Variants in CAMK2B observed in about 807,000 individuals in gnomAD.
CAMK2B encodes the protein calcium/calmodulin-dependent protein kinase type II subunit beta.
In CAMK2B, 27 loss-of-function variants were observed where a neutral mutation model predicts 93.7. The observed-to-expected ratio is 0.29, with a 90% CI of 0.21 to 0.40. The LOEUF (loss-of-function observed/expected upper bound fraction) is 0.40, where lower values mean the gene tolerates loss of function less well. Ranked by LOEUF, CAMK2B falls within the 10% of genes least tolerant of loss-of-function variation. CAMK2B has a pLI of 1.00. For synonymous variants in CAMK2B, 374 were observed against 358.8 expected, an observed-to-expected ratio of 1.04 and a Z score of -0.48; for missense variants, 568 against 895.8, an observed-to-expected ratio of 0.63 and a Z score of 4.67.
intron 3 of CAMK2B, among the ~76,000 whole-genome samples, chr7:44,262,766 GC>G (rs1384649009): frequency 1.3e-5 from 2 of 152,154 alleles, no homozygotes; most frequent in Admixed American, 1.3e-4. Context: ...GGCACCCAGA[GC>G]CCCACCTTGG....
At chr7:44,289,110 C>A (rs1398237577) in intron 1 of CAMK2B, among the ~76,000 whole-genome samples, 1 of 152,166 alleles carries the variant, frequency 6.6e-6, no homozygotes, top group African/African-American at 2.4e-5. Context: ...CTGAGCTGCC[C>A]CCCCAACCCT....
intron 5 of CAMK2B, among the ~76,000 whole-genome samples, chr7:44,251,402 C>T (rs2096779263): frequency 6.6e-6 from 1 of 152,096 alleles, no homozygotes; most frequent in Non-Finnish European, 1.5e-5. Context: ...GCACAGAGAG[C>T]AAAGCCACCG....
chr7:44,228,763 G>A (rs770983360), intron 19 of CAMK2B, 33 bp downstream of exon 19: 1 of 1,438,024 alleles, frequency 7.0e-7, no homozygotes, highest in Non-Finnish European at 9.1e-7. Flanking sequence ...CTGTCCGGCA[G>A]CAGAGGCGGC....
intron 4 of CAMK2B, among the ~76,000 whole-genome samples, chr7:44,254,913 C>T (rs2096821780): frequency 6.6e-6 from 1 of 151,204 alleles, no homozygotes; most frequent in South Asian, 2.1e-4. Context: ...CACGATTATA[C>T]TCCATTTTTA....
chr7:44,307,298 G>A (rs117939554), intron 1 of CAMK2B, among the ~76,000 whole-genome samples: 7,411 of 135,940 alleles, frequency 0.055, 376 homozygotes, highest in Middle Eastern at 0.13. Flanking sequence ...AGGGAAGAGG[G>A]TGTGAGCAGG....
In CAMK2B at chr7:44,248,744, G is replaced by A. The variant is rs1166815096; in HGVS notation, c.342-1552C>T. On this transcript the variant is annotated intron_variant, in intron 5 of 23. Coordinates refer to ENST00000395749, the MANE Select transcript of CAMK2B (RefSeq NM_001220.5). This position sits in a 1 kb window ranked among gnomAD's most constrained non-coding sequence, Gnocchi z 4.1. The stretch of plus-strand genomic sequence containing the variant: ...CACCCGTCTTGGTCCCATCTGTACA[G>A]CGTCAGCCATTGCATTAAAAAGTGA... 1.3e-5 allele frequency among the ~76,000 whole-genome samples: 2 copies of A among 152,216 alleles called. No individual in the cohort carries two copies. Among genetic ancestry groups the A allele is most frequent in the African/African-American group, 4.8e-5 (2 of 41,456 alleles).
intron 7 of CAMK2B, 37 bp from the exon 8 acceptor site, chr7:44,243,370 C>T (rs1363090807): frequency 6.2e-7 from 1 of 1,610,866 alleles, no homozygotes. Context: ...GGGCTGTCAG[C>T]ATCACCTCCT....
chr7:44,285,103 G>A lies in CAMK2B; in HGVS notation c.66-878C>T, dbSNP rs546252534. Among the ~76,000 whole-genome samples, 599 of 152,336 alleles carry A rather than the reference G, an allele frequency of 3.9e-3. 2 individuals are homozygous for A. Among genetic ancestry groups the A allele is most frequent in the South Asian group, 7.9e-3 (38 of 4,830 alleles). On this transcript the variant is annotated intron_variant, in intron 1 of 23. Transcript: ENST00000395749. ...TCCTGCCCTGGCTTCAGGGCGCCCT[G>A]AGGGAGTCAGTGCCACCCAATGGGA...
chr7:44,286,713 C>T lies in CAMK2B; in HGVS notation c.66-2488G>A, dbSNP rs968149410. The stretch of plus-strand genomic sequence containing the variant: ...TCTCCTCTGCAGAAGGCTCCAGAGC[C>T]GCCCCTGCACCATCAGCCTAGGTCG... On this transcript the variant is annotated intron_variant, in intron 1 of 23. Transcript: ENST00000395749. The surrounding 1 kb of genome is among the most constrained non-coding windows in gnomAD (Gnocchi z 4.0). Among the ~76,000 whole-genome samples, 5 of 152,218 alleles carry T rather than the reference C, an allele frequency of 3.3e-5. No homozygotes were observed. Among genetic ancestry groups the T allele is most frequent in the African/African-American group, 2.4e-5 (1 of 41,462 alleles).
chr7:44,287,568 G>A (rs528119719), intron 1 of CAMK2B, among the ~76,000 whole-genome samples: 12 of 152,186 alleles, frequency 7.9e-5, no homozygotes, highest in Admixed American at 2.0e-4. Context: ...TTTAGCATGA[G>A]CCATGCAGGC....
At chr7:44,222,874 C>T (rs745350080) in intron 20 of CAMK2B, among the ~76,000 whole-genome samples, 27 of 152,300 alleles carry the variant, frequency 1.8e-4, no homozygotes, top group South Asian at 6.2e-4. Flanking sequence ...GCCACATGCC[C>T]GGGTGTGCTC....
intron 13 of CAMK2B, among the ~76,000 whole-genome samples, chr7:44,238,256 C>A (rs748321513): frequency 1.3e-5 from 2 of 152,194 alleles, no homozygotes; most frequent in South Asian, 2.1e-4. Flanking sequence ...CTGCTCTCGG[C>A]GCCCAGGGTG....
intron 20 of CAMK2B, 88 bp downstream of exon 20, chr7:44,226,428 T>C (rs2096479628): frequency 2.7e-6 from 3 of 1,111,858 alleles, no homozygotes; most frequent in Non-Finnish European, 3.6e-6. Context: ...TCCGCAAGAA[T>C]GGCCCTTCCC....
At chr7:44,322,102 T>C (rs1048339906) in intron 1 of CAMK2B, among the ~76,000 whole-genome samples, 14 of 152,210 alleles carry the variant, frequency 9.2e-5, no homozygotes, top group African/African-American at 2.9e-4. Context: ...TAGATTTCCA[T>C]TGGGATGGGG....
intron 2 of CAMK2B, among the ~76,000 whole-genome samples, chr7:44,274,886 A>G (rs1380792889): frequency 6.6e-6 from 1 of 152,158 alleles, no homozygotes; most frequent in Non-Finnish European, 1.5e-5. Flanking sequence ...GGAAGTAAGG[A>G]TCCCACCAGA....
Position 44,263,291 on chromosome 7 carries a change from G to A in CAMK2B, c.161-227C>T, listed in dbSNP as rs931467295. Among the ~76,000 whole-genome samples, 5 of 152,348 alleles carry A rather than the reference G, an allele frequency of 3.3e-5. No homozygotes were observed. In the South Asian group the frequency reaches 8.3e-4, roughly 25 times the overall value. On this transcript the variant is annotated intron_variant, in intron 2 of 23. Transcript: ENST00000395749. ...TTGGGATGGGTGGAGAGGCCCATTC[G>A]GGTAGTGAGCGCTGCTAACTCGGGG...
At chr7:44,239,453 G>A (rs2096655675) in intron 13 of CAMK2B, 136 bp downstream of exon 13, 6 of 718,836 alleles carry the variant, frequency 8.3e-6, no homozygotes, top group South Asian at 1.7e-5. Context: ...GACCACACGG[G>A]AGCAGGGGCT....
chr7:44,295,239 G>C (rs1308960143), intron 1 of CAMK2B, among the ~76,000 whole-genome samples: 4 of 152,200 alleles, frequency 2.6e-5, no homozygotes, highest in African/African-American at 9.6e-5. Context: ...AAAAAGCAAA[G>C]CTTAAAACAT....
At chr7:44,259,436 C>G (rs2096861381) in intron 3 of CAMK2B, 1 of 160,362 alleles carries the variant, frequency 6.2e-6, no homozygotes, top group South Asian at 1.8e-4. Context: ...CCGCTGTGTC[C>G]TGCCAGCACA....
Sources: gnomAD v4.1 joint callset for allele counts (sites outside exome capture counted in the v4.1 genomes callset) on GRCh38, gnomAD v4.1.1 for gene constraint, Gnocchi (gnomAD v3.1) non-coding constraint, MANE v1.5 for transcripts, NCBI Gene and HGNC (gene_info 2026-07-23, HGNC 2026-07-21) for gene names.